PLEKHA4: variants seen among roughly 807,000 people sequenced by gnomAD.
PLEKHA4 encodes the protein pleckstrin homology domain containing A4.
PLEKHA4 carries 73 observed loss-of-function variants against 94.7 expected under a neutral mutation model. The ratio of observed to expected loss-of-function variants is 0.77; its 90% CI spans 0.64 to 0.94. PLEKHA4 has a LOEUF of 0.94. Among genes scored for constraint, PLEKHA4 ranks in the 40% least tolerant of loss-of-function variants. The pLI is 0.00. For missense variants in PLEKHA4, 1,049 were observed against 1,054.1 expected (o/e 1.00, Z 0.07); for synonymous variants, 449 against 437.1 (o/e 1.03, Z -0.34).
intron 13 of PLEKHA4, among the ~76,000 whole-genome samples, chr19:48,849,317 G>C (rs2036093102): frequency 6.6e-6 from 1 of 151,280 alleles, no homozygotes; most frequent in Non-Finnish European, 1.5e-5. Context: ...GGTTGTTGTT[G>C]TTGTTTTTTA....
At chr19:48,853,936 T>C in intron 11 of PLEKHA4, 71 bp downstream of exon 11, 1 of 1,602,322 alleles carries the variant, frequency 6.2e-7, no homozygotes, top group Non-Finnish European at 8.5e-7. Flanking sequence ...GCATCCTGAC[T>C]TCCGCATTCA....
At chr19:48,842,387 G>A (rs1191689534) in intron 16 of PLEKHA4, among the ~76,000 whole-genome samples, 1 of 151,964 alleles carries the variant, frequency 6.6e-6, no homozygotes, top group African/African-American at 2.4e-5. Context: ...CTGATCTCGT[G>A]ATCCACCTGC....
intron 3 of PLEKHA4, among the ~76,000 whole-genome samples, chr19:48,864,172 CTT>C (rs11378326): frequency 1.5e-4 from 22 of 142,462 alleles, no homozygotes; most frequent in Non-Finnish European, 1.7e-4. Flanking sequence ...GCCTCCAGGT[CTT>C]TTTTTTTTTT....
At chr19:48,844,212 C>T (rs975064662) in intron 16 of PLEKHA4, among the ~76,000 whole-genome samples, 10 of 150,468 alleles carry the variant, frequency 6.6e-5, no homozygotes, top group African/African-American at 9.8e-5. Context: ...TGGAGTGCAA[C>T]GGTGCAATCT....
chr19:48,857,631 T>C (rs2036475884), intron 8 of PLEKHA4, 135 bp from the exon 9 acceptor site: 5 of 617,840 alleles, frequency 8.1e-6, no homozygotes, highest in East Asian at 3.2e-5. Context: ...CCCTGTGCTC[T>C]CTGAAACATG....
rs1293684020 is a variant in PLEKHA4, at chr19:48,841,221, C to T, written c.1833G>A (p.Pro611=). 13 of 1,613,102 alleles carry T rather than the reference C, an allele frequency of 8.1e-6. No homozygotes were observed. Among genetic ancestry groups the T allele is most frequent in the South Asian group, 3.3e-5 (3 of 90,886 alleles). ...NQECGRPFPR[P]TSPRLLTLGR... is the part of the protein sequence containing the mutation. Reference sequence around the variant, plus strand: ...CCAGGGTGAGAAGCCGGGGGGAGGTCGGGCGAGGGAAGGGCCGTCCACATT... The same window carrying T: ...CCAGGGTGAGAAGCCGGGGGGAGGTTGGGCGAGGGAAGGGCCGTCCACATT... Residue 611 remains proline, a synonymous_variant, in exon 17 of 20, where the codon CCG becomes CCA. Transcript: ENST00000263265.
intron 5 of PLEKHA4, 64 bp downstream of exon 5, chr19:48,861,337 A>G: frequency 1.4e-6 from 2 of 1,390,162 alleles, no homozygotes; most frequent in South Asian, 1.2e-5. Flanking sequence ...TCCTCGACAG[A>G]TATCTACCCG....
intron 3 of PLEKHA4, among the ~76,000 whole-genome samples, chr19:48,862,083 C>T (rs2036663634): frequency 6.6e-6 from 1 of 151,808 alleles, no homozygotes; most frequent in Admixed American, 6.6e-5. Context: ...GAGAAAGACC[C>T]AGAGAGACAG....
In PLEKHA4 at chr19:48,839,288, A is replaced by C. The variant is rs201941140; in HGVS notation, c.1906-25T>G. 136 of 1,516,106 alleles carry C rather than the reference A, an allele frequency of 9.0e-5. No individual in the cohort carries two copies. The East Asian group carries it at 3.1e-3, about 35-fold the overall frequency. 93.9% of individuals were successfully genotyped at this position (1,516,106 alleles called of 1,614,324 possible). On this transcript the variant is annotated intron_variant, in intron 17 of 19. Transcript: ENST00000263265. ...GCTGGAAAGGAATTGGGGCATTAGAACTCCTCACCTGGAAGCCCCACGTTC... is the reference window on the plus strand; with the variant it reads ...GCTGGAAAGGAATTGGGGCATTAGACCTCCTCACCTGGAAGCCCCACGTTC...
chr19:48,845,427 G>T lies in PLEKHA4; in HGVS notation c.1686C>A (p.Val562=). ...GACCCTCAGGGCTGGAAGCCCGGGA[G>T]ACCCTCGGAGACCCAAGACCTGGAA... ...SPHLGLGSPR[V]SRASSPEGRH... Residue 562 remains valine (V), a synonymous_variant, in exon 16 of 20, where the codon GTC becomes GTA. Coordinates refer to ENST00000263265, the MANE Select transcript of PLEKHA4 (RefSeq NM_020904.3). 6.2e-7 allele frequency: 1 copy of T among 1,613,936 alleles called. No homozygotes were observed. The highest frequency in any genetic ancestry group is 8.5e-7 in the Non-Finnish European group (1 of 1,180,016).
chr19:48,851,893 A>C (rs2036205917), intron 13 of PLEKHA4, among the ~76,000 whole-genome samples: 2 of 152,080 alleles, frequency 1.3e-5, no homozygotes, highest in African/African-American at 2.4e-5. Flanking sequence ...GCAGTGCGCC[A>C]AGATTGCGCT....
At chr19:48,838,556 G>C (rs979639744) in intron 18 of PLEKHA4, among the ~76,000 whole-genome samples, 4 of 150,896 alleles carry the variant, frequency 2.7e-5, no homozygotes, top group Non-Finnish European at 1.5e-5. Flanking sequence ...TTGAGGTCAG[G>C]AGTTCGAGAC....
chr19:48,848,295 G>C (rs1273405047), intron 13 of PLEKHA4, among the ~76,000 whole-genome samples: 2 of 149,010 alleles, frequency 1.3e-5, no homozygotes, highest in Non-Finnish European at 3.0e-5. Context: ...GACCATCCCG[G>C]CTAAAACGGT....
chr19:48,867,084 T>G lies in PLEKHA4; in HGVS notation c.84+453A>C, dbSNP rs1247833500. On this transcript the variant is annotated intron_variant, in intron 2 of 19. Transcript: ENST00000263265. The surrounding 1 kb of genome is among the most constrained non-coding windows in gnomAD (Gnocchi z 4.7). ...GAGGAAAAAGAAATGAGTGTCTCCC[T>G]AAGCTTTTGGCTGGGATGCCGATTT... Among the ~76,000 whole-genome samples the G allele has an allele frequency of 6.6e-6, 1 of 152,190 alleles. No individual in the cohort carries two copies. Among genetic ancestry groups the G allele is most frequent in the Non-Finnish European group, 1.5e-5 (1 of 68,030 alleles).
intron 13 of PLEKHA4, among the ~76,000 whole-genome samples, chr19:48,850,083 C>T (rs1324037052): frequency 2.0e-5 from 3 of 151,944 alleles, no homozygotes; most frequent in Non-Finnish European, 4.4e-5. Context: ...TGGTGGCACA[C>T]GCCTGTAGTC....
At chr19:48,843,969 T>C (rs2035862728) in intron 16 of PLEKHA4, among the ~76,000 whole-genome samples, 1 of 151,496 alleles carries the variant, frequency 6.6e-6, no homozygotes, top group Non-Finnish European at 1.5e-5. Context: ...CAGCTAACTT[T>C]TTATTATTTT....
At position 48,854,087 on chromosome 19, in the gene PLEKHA4, T is replaced by C. The variant is rs914817485; in HGVS notation, c.1096A>G (p.Thr366Ala). ...TGCCCGCACAACTTGGTCAGCAGCG[T>C]CTGGAGAAAGGAGAGCGGGAGCTAC... ...STFHQSLETD[T>A]LLTKLCGQDR... Residue 366 changes from threonine (T) to alanine (A), a missense_variant and splice_region_variant, in exon 11 of 20, where the codon ACG (threonine) becomes GCG (alanine). By Grantham distance (58) the Thr-to-Ala change is moderately conservative (BLOSUM62 0). Coordinates refer to ENST00000263265, the MANE Select transcript of PLEKHA4 (RefSeq NM_020904.3). 10 of 1,614,150 alleles carry C rather than the reference T, an allele frequency of 6.2e-6. No individual in the cohort carries two copies. The highest frequency in any genetic ancestry group is 8.5e-6 in the Non-Finnish European group (10 of 1,180,018).
At chr19:48,863,390 A>G (rs1353454207) in intron 3 of PLEKHA4, among the ~76,000 whole-genome samples, 1 of 149,800 alleles carries the variant, frequency 6.7e-6, no homozygotes, top group East Asian at 2.0e-4. Flanking sequence ...AGTAGCTGGG[A>G]CTACAGGTGC....
At chr19:48,846,133 G>A (rs2035961432) in intron 14 of PLEKHA4, among the ~76,000 whole-genome samples, 1 of 151,178 alleles carries the variant, frequency 6.6e-6, no homozygotes, top group African/African-American at 2.4e-5. Context: ...ACACCAGCTG[G>A]GCAACATAGC....
Sources: gnomAD v4.1 joint callset for allele counts (sites outside exome capture counted in the v4.1 genomes callset) on GRCh38, gnomAD v4.1.1 for gene constraint, Gnocchi (gnomAD v3.1) non-coding constraint, MANE v1.5 for transcripts, NCBI Gene and HGNC (gene_info 2026-07-23, HGNC 2026-07-21) for gene names.